The following LTN1 variants were observed in gnomAD, a reference collection of about 807,000 sequenced individuals.
The protein encoded by LTN1 is listerin E3 ubiquitin protein ligase 1, also known as E3 ubiquitin-protein ligase listerin.
Under a neutral mutation model 201.2 loss-of-function variants are expected in LTN1, and 88 were observed. The ratio of observed to expected loss-of-function variants is 0.44; its 90% CI spans 0.37 to 0.52. LTN1 has a LOEUF of 0.52. Ranked by LOEUF, LTN1 falls within the 20% of genes least tolerant of loss-of-function variation. The pLI is 0.00. For synonymous variants in LTN1, 645 were observed against 713.5 expected (o/e 0.90, Z 1.53); for missense variants, 1,752 against 2,038.7 (o/e 0.86, Z 2.71).
intron 26 of LTN1, among the ~76,000 whole-genome samples, chr21:28,935,839 CAAAAA>C (rs1190416524): frequency 1.3e-5 from 1 of 78,942 alleles, no homozygotes; most frequent in Non-Finnish European, 2.7e-5. Flanking sequence ...GACTCCGTCT[CAAAAA>C]AAAAAAAAAA....
At chr21:28,931,995 A>C (rs1051697550) in intron 28 of LTN1, among the ~76,000 whole-genome samples, 34 of 151,548 alleles carry the variant, frequency 2.2e-4, no homozygotes, top group Admixed American at 1.3e-3. Flanking sequence ...AAGAGCAAAA[A>C]CTCTTAAAAA....
intron 19 of LTN1, among the ~76,000 whole-genome samples, chr21:28,946,611 T>TA (rs1224407859): frequency 5.9e-5 from 9 of 151,822 alleles, no homozygotes; most frequent in East Asian, 1.9e-4. Context: ...ATCATTCAAA[T>TA]AAAAAAAACC....
chr21:28,966,758 G>A lies in LTN1; in HGVS notation c.1733C>T (p.Ser578Phe), dbSNP rs1397171037. Residue 578 changes from serine (S) to phenylalanine (F), a missense_variant, in exon 10 of 30, where the codon TCT (serine) becomes TTT (phenylalanine). Physicochemically the swap from Ser to Phe is radical, Grantham distance 155. This residue lies in a region of LTN1 where 1,211 missense variants were observed against 1,312.8 expected (regional missense o/e 0.92). Coordinates refer to ENST00000361371, the MANE Select transcript of LTN1 (RefSeq NM_015565.3). Reference sequence around the variant, plus strand: ...CCTTAGAGGAGACAAAAGGCCTGAAGAATTATGAGTGAGAGAAGGTTCAGT... The same window carrying A: ...CCTTAGAGGAGACAAAAGGCCTGAAAAATTATGAGTGAGAGAAGGTTCAGT... ...LTTEPSLTHN[S>F]SGLLSPLRKK... 6.2e-7 allele frequency: 1 copy of A among 1,614,082 alleles called. No homozygotes were observed. The highest frequency in any genetic ancestry group is 8.5e-7 in the Non-Finnish European group (1 of 1,180,004).
At chr21:28,931,527 G>C (rs1408852380) in intron 28 of LTN1, among the ~76,000 whole-genome samples, 3 of 152,072 alleles carry the variant, frequency 2.0e-5, no homozygotes, top group Non-Finnish European at 4.4e-5. Context: ...CTCCATTAAA[G>C]ACATACTTTA....
Position 28,992,842 on chromosome 21 carries a change from C to G in LTN1, c.-37G>C, listed in dbSNP as rs559678656. The G allele has an allele frequency of 3.1e-6, 5 of 1,614,166 alleles. No homozygotes were observed. Among genetic ancestry groups the G allele is most frequent in the African/African-American group, 2.7e-5 (2 of 75,050 alleles). On this transcript the variant is annotated 5_prime_UTR_variant, in exon 1 of 30. Transcript: ENST00000361371. The stretch of plus-strand genomic sequence containing the variant: ...CAGCTGTACTCTGAGCACTCAGACC[C>G]CGGTTGACACGTCCGGGACACAACT...
chr21:28,931,162 G>A lies in LTN1; in HGVS notation c.5231C>T (p.Ala1744Val). The change falls in exon 29 of 30, where the codon GCC becomes GTC. Residue 1744 changes from alanine to valine, a missense_variant. Around this residue, in one of 3 missense-constraint regions of LTN1, gnomAD observed 261 missense variants for 350.1 expected, o/e 0.75. Transcript: ENST00000361371. Reference sequence around the variant, plus strand: ...ATTTCTCTTTAGACTTACCAAGCAGGCTGAATGGAATTTTTTCTTGCATGT... The same window carrying A: ...ATTTCTCTTTAGACTTACCAAGCAGACTGAATGGAATTTTTTCTTGCATGT... ...CRTCKKKFHSACLYKWFTSSN... is the reference protein window; with the variant it reads ...CRTCKKKFHSVCLYKWFTSSN... 6.2e-7 allele frequency: 1 copy of A among 1,608,032 alleles called. No individual in the cohort carries two copies. Among genetic ancestry groups the A allele is most frequent in the African/African-American group, 1.3e-5 (1 of 74,468 alleles).
At chr21:28,949,657 T>C (rs893350639) in intron 18 of LTN1, among the ~76,000 whole-genome samples, 4 of 152,210 alleles carry the variant, frequency 2.6e-5, no homozygotes, top group African/African-American at 9.7e-5. Context: ...AGACTGTATG[T>C]AGCATGTCAG....
intron 1 of LTN1, among the ~76,000 whole-genome samples, chr21:28,987,807 C>G (rs1467506092): frequency 6.6e-6 from 1 of 152,236 alleles, no homozygotes; most frequent in Non-Finnish European, 1.5e-5. Context: ...TCTTATTTCT[C>G]TATAAGGATG....
rs575092113 is a variant in LTN1, at chr21:28,961,105, A to C, written c.2164-399T>G. On this transcript the variant is annotated intron_variant, in intron 11 of 29. Coordinates refer to ENST00000361371, the MANE Select transcript of LTN1 (RefSeq NM_015565.3). ...GATTGTATAATTATTTAAATGTTTC[A>C]TCTGTGTATATCTTGTCTTTCCAAT... Among the ~76,000 whole-genome samples, 4 of 152,182 alleles carry C rather than the reference A, an allele frequency of 2.6e-5. No individual in the cohort carries two copies. The East Asian group carries it at 7.7e-4, about 29-fold the overall frequency.
In LTN1 at chr21:28,941,490, T is replaced by C. The variant is rs2084297443; in HGVS notation, c.4296-84A>G. ...GACAGTACTTGTAAACTTCAAGCAT[T>C]TTAGAAAAATTTCTCTGTTTTCCAA... is the stretch of plus-strand genomic sequence containing the variant. On this transcript the variant is annotated intron_variant, in intron 24 of 29. Transcript: ENST00000361371. 3 of 1,124,796 alleles carry C rather than the reference T, an allele frequency of 2.7e-6. No homozygotes were observed. In the Admixed American group the frequency reaches 8.2e-5, roughly 31 times the overall value. 69.7% of individuals were successfully genotyped at this position (1,124,796 alleles called of 1,614,324 possible).
chr21:28,945,352 T>C lies in LTN1; in HGVS notation c.3768+455A>G, dbSNP rs2084329202. Among the ~76,000 whole-genome samples, 3 of 152,340 alleles carry C rather than the reference T, an allele frequency of 2.0e-5. No individual in the cohort carries two copies. The South Asian group carries it at 6.2e-4, about 32-fold the overall frequency. Reference sequence around the variant, plus strand: ...ACCAATCCAACCCTGACTGACTTGCTGCCTTGGAGCCCACAAGTAATATAC... The same window carrying C: ...ACCAATCCAACCCTGACTGACTTGCCGCCTTGGAGCCCACAAGTAATATAC... On this transcript the variant is annotated intron_variant, in intron 21 of 29. Coordinates refer to ENST00000361371, the MANE Select transcript of LTN1 (RefSeq NM_015565.3).
chr21:28,992,738 G>C (rs757279312), intron 1 of LTN1, 26 bp downstream of exon 1: 49 of 1,613,284 alleles, frequency 3.0e-5, no homozygotes, highest in Non-Finnish European at 3.8e-5. Context: ...GAGGCTCCCG[G>C]GTCGGCCGAG....
intron 6 of LTN1, among the ~76,000 whole-genome samples, chr21:28,971,733 C>A (rs192315033): frequency 6.6e-6 from 1 of 151,880 alleles, no homozygotes; most frequent in Non-Finnish European, 1.5e-5. Context: ...TCCATTATAG[C>A]CAAACAAACA....
intron 8 of LTN1, among the ~76,000 whole-genome samples, chr21:28,970,172 T>G (rs2084561942): frequency 6.6e-6 from 1 of 152,222 alleles, no homozygotes; most frequent in Non-Finnish European, 1.5e-5. Context: ...AAGTTGTTGA[T>G]GTTTTAAAAA....
rs1382373829 is a variant in LTN1, at chr21:28,929,741, C to T, written c.*707G>A. 1 of 152,068 alleles carries T rather than the reference C, an allele frequency of 6.6e-6. No homozygotes were observed. The highest frequency in any genetic ancestry group is 1.5e-5 in the Non-Finnish European group (1 of 67,982). 9.4% of individuals were successfully genotyped at this position (152,068 alleles called of 1,614,324 possible). Reference sequence around the variant, plus strand: ...TCGCTCAGAGTGATAAATTCACTGACAAGTTTACAATTCAAATTTCACTAA... The same window carrying T: ...TCGCTCAGAGTGATAAATTCACTGATAAGTTTACAATTCAAATTTCACTAA... On this transcript the variant is annotated 3_prime_UTR_variant, in exon 30 of 30. Coordinates refer to ENST00000361371, the MANE Select transcript of LTN1 (RefSeq NM_015565.3).
chr21:28,968,202 A>T (rs1374122113), intron 9 of LTN1, among the ~76,000 whole-genome samples: 1 of 152,142 alleles, frequency 6.6e-6, no homozygotes. Flanking sequence ...TTCCTTTTTC[A>T]TGATAAAATT....
At chr21:28,951,691 G>A (rs2084383965) in intron 18 of LTN1, among the ~76,000 whole-genome samples, 1 of 152,162 alleles carries the variant, frequency 6.6e-6, no homozygotes, top group Admixed American at 6.5e-5. Flanking sequence ...AAAGGTGTCG[G>A]CCAGACATGG....
intron 17 of LTN1, 36 bp from the exon 18 acceptor site, chr21:28,952,300 G>C: frequency 8.1e-7 from 1 of 1,237,160 alleles, no homozygotes; most frequent in Non-Finnish European, 1.2e-6. Flanking sequence ...ATTCCGTTTT[G>C]AAAGCATACT....
intron 14 of LTN1, among the ~76,000 whole-genome samples, chr21:28,957,826 T>C (rs772500814): frequency 9.2e-5 from 14 of 152,328 alleles, no homozygotes; most frequent in Non-Finnish European, 1.8e-4. Flanking sequence ...TTCTCCTTTA[T>C]TATATGGATT....
Sources: allele counts gnomAD v4.1 joint callset (sites outside exome capture counted in the v4.1 genomes callset), GRCh38; gene constraint gnomAD v4.1.1; regional missense constraint gnomAD v4.1.1; transcripts MANE v1.5; gene names NCBI Gene and HGNC (gene_info 2026-07-23, HGNC 2026-07-21).